Variants in CAP2 observed in about 807,000 individuals in gnomAD.
CAP2 encodes cyclase associated actin cytoskeleton regulatory protein 2, also known as adenylyl cyclase-associated protein 2.
In CAP2, 24 loss-of-function variants were observed where a neutral mutation model predicts 57.7. The ratio of observed to expected loss-of-function variants is 0.42; its 90% confidence interval spans 0.30 to 0.58. The LOEUF (loss-of-function observed/expected upper bound fraction) is 0.58. CAP2 is among the 20% of genes least tolerant of loss of function. The pLI, the probability that CAP2 is intolerant of heterozygous loss-of-function variation, is 0.22. For synonymous variants in CAP2, 194 were observed against 207.2 expected, an observed-to-expected ratio of 0.94 and a Z score of 0.55; for missense variants, 501 against 590.3, an observed-to-expected ratio of 0.85 and a Z score of 1.57.
At chr6:17,525,284 T>C (rs1762478007) in intron 7 of CAP2, among the ~76,000 whole-genome samples, 1 of 152,188 alleles carries the variant, frequency 6.6e-6, no homozygotes, top group Non-Finnish European at 1.5e-5. Context: ...GTCAGTATTA[T>C]TTTATTTACC....
chr6:17,520,299 G>A (rs149429517), intron 7 of CAP2, among the ~76,000 whole-genome samples: 8 of 152,108 alleles, frequency 5.3e-5, no homozygotes, highest in African/African-American at 9.6e-5. Context: ...TTGTAGAGAC[G>A]TGATTTCACC....
intron 12 of CAP2, among the ~76,000 whole-genome samples, chr6:17,555,006 C>A (rs538471218): frequency 3.3e-5 from 5 of 152,124 alleles, no homozygotes; most frequent in Non-Finnish European, 7.4e-5. Flanking sequence ...GTGTATATAA[C>A]CCTAGGCTCA....
intron 2 of CAP2, 34 bp from the exon 3 acceptor site, chr6:17,426,556 G>T: frequency 6.6e-7 from 1 of 1,509,536 alleles, no homozygotes; most frequent in Non-Finnish European, 9.2e-7. Context: ...TTCATTCAAC[G>T]GCCAGGGAAT....
At chr6:17,556,246 CT>C in intron 12 of CAP2, 112 bp from the exon 13 acceptor site, 2 of 726,720 alleles carry the variant, frequency 2.8e-6, no homozygotes, top group Middle Eastern at 2.4e-4. Flanking sequence ...GATCGAATTT[CT>C]TTGCCTATCA....
intron 7 of CAP2, among the ~76,000 whole-genome samples, chr6:17,529,935 C>T (rs937417191): frequency 6.6e-6 from 1 of 151,536 alleles, no homozygotes; most frequent in Non-Finnish European, 1.5e-5. Flanking sequence ...GGGAGGCTCT[C>T]TTGAGCCCAG....
At chr6:17,450,219 T>G (rs1760367664) in intron 3 of CAP2, among the ~76,000 whole-genome samples, 1 of 151,840 alleles carries the variant, frequency 6.6e-6, no homozygotes, top group South Asian at 2.1e-4. Flanking sequence ...AGCCGGCAAA[T>G]TTTTGGTATT....
intron 4 of CAP2, among the ~76,000 whole-genome samples, chr6:17,486,531 A>C (rs1761424679): frequency 6.6e-6 from 1 of 152,184 alleles, no homozygotes; most frequent in East Asian, 1.9e-4. Flanking sequence ...ACTGGAGCCC[A>C]GGAGGTCCAG....
chr6:17,547,436 A>G (rs2113707294), intron 11 of CAP2, among the ~76,000 whole-genome samples: 1 of 152,336 alleles, frequency 6.6e-6, no homozygotes, highest in East Asian at 1.9e-4. Context: ...AATTCCCATT[A>G]AAATTCTGCA....
At chr6:17,519,149 A>G (rs1436545223) in intron 7 of CAP2, among the ~76,000 whole-genome samples, 2 of 152,142 alleles carry the variant, frequency 1.3e-5, no homozygotes, top group Non-Finnish European at 2.9e-5. Context: ...TGGACTGTCC[A>G]AGGGCACGTG....
In CAP2 at chr6:17,415,401, T is replaced by C. The variant is rs185854529; in HGVS notation, c.-1-6154T>C. Among the ~76,000 whole-genome samples, 16 of 152,334 alleles carry C rather than the reference T, an allele frequency of 1.1e-4. No individual in the cohort carries two copies. The East Asian group carries it at 3.1e-3, about 29-fold the overall frequency. On this transcript the variant is annotated intron_variant, in intron 1 of 12. Coordinates refer to ENST00000229922, the MANE Select transcript of CAP2 (RefSeq NM_006366.3). ...AAAGGCTTACATTAGAGGGAGCAAGTGTGCTCTTTCAAGTCATGGGAGGGA... is the reference window on the plus strand; with the variant it reads ...AAAGGCTTACATTAGAGGGAGCAAGCGTGCTCTTTCAAGTCATGGGAGGGA...
chr6:17,453,081 C>T (rs1461997890), intron 3 of CAP2, among the ~76,000 whole-genome samples: 1 of 152,294 alleles, frequency 6.6e-6, no homozygotes, highest in African/African-American at 2.4e-5. Context: ...ATTTATACTC[C>T]GTTCAAATCC....
intron 12 of CAP2, among the ~76,000 whole-genome samples, chr6:17,554,209 C>T (rs945613044): frequency 6.6e-6 from 1 of 152,082 alleles, no homozygotes; most frequent in Non-Finnish European, 1.5e-5. Flanking sequence ...CGGGCTCAAT[C>T]GATCTTCCTG....
At chr6:17,397,426 G>A (rs976849054) in intron 1 of CAP2, among the ~76,000 whole-genome samples, 49 of 151,958 alleles carry the variant, frequency 3.2e-4, no homozygotes, top group Non-Finnish European at 6.0e-4. Flanking sequence ...TGGGCGTGGT[G>A]GCTCACGCCT....
intron 1 of CAP2, among the ~76,000 whole-genome samples, chr6:17,405,172 C>T (rs1440360870): frequency 6.6e-6 from 1 of 152,132 alleles, no homozygotes; most frequent in Admixed American, 6.6e-5. Context: ...CACCTGAGGT[C>T]AGGATTCGAG....
intron 4 of CAP2, among the ~76,000 whole-genome samples, chr6:17,477,708 T>C (rs1210777993): frequency 1.3e-5 from 2 of 152,174 alleles, no homozygotes; most frequent in African/African-American, 4.8e-5. Flanking sequence ...TCCTGACCTA[T>C]CGATTGCTTG....
At chr6:17,528,417 G>A (rs1234793611) in intron 7 of CAP2, among the ~76,000 whole-genome samples, 1 of 152,146 alleles carries the variant, frequency 6.6e-6, no homozygotes, top group African/African-American at 2.4e-5. Flanking sequence ...CTGATTTTAA[G>A]CTGTTGTTAC....
At chr6:17,457,732 A>G (rs1400580061) in intron 3 of CAP2, among the ~76,000 whole-genome samples, 4 of 152,210 alleles carry the variant, frequency 2.6e-5, no homozygotes, top group Admixed American at 6.5e-5. Flanking sequence ...GAGACTAATT[A>G]ATGAAATTGG....
chr6:17,433,284 T>C (rs1460551823), intron 3 of CAP2, among the ~76,000 whole-genome samples: 1 of 152,220 alleles, frequency 6.6e-6, no homozygotes, highest in Non-Finnish European at 1.5e-5. Flanking sequence ...ATAAAACATC[T>C]TCTCTTCTTG....
intron 3 of CAP2, among the ~76,000 whole-genome samples, chr6:17,462,505 C>T (rs1581539396): frequency 1.3e-5 from 2 of 152,116 alleles, no homozygotes; most frequent in Admixed American, 6.5e-5. Context: ...CGAACATTTT[C>T]ACCACCCCCA....
Sources: allele counts gnomAD v4.1 joint callset (sites outside exome capture counted in the v4.1 genomes callset), GRCh38; gene constraint gnomAD v4.1.1; transcripts MANE v1.5; gene names NCBI Gene and HGNC (gene_info 2026-07-23, HGNC 2026-07-21).